RUNX1: variants seen among roughly 807,000 people sequenced by gnomAD.
RUNX1 encodes the protein runt-related transcription factor 1.
RUNX1 carries 19 observed loss-of-function variants against 42.8 expected under a neutral mutation model. The ratio of observed to expected loss-of-function variants is 0.44; its 90% CI spans 0.31 to 0.65. The LOEUF (loss-of-function observed/expected upper bound fraction) is 0.65. Among genes scored for constraint, RUNX1 ranks in the 30% least tolerant of loss-of-function variants. The pLI is 0.07. For synonymous variants in RUNX1, 271 were observed against 289.4 expected (o/e 0.94, Z 0.64); for missense variants, 528 against 672.0 (o/e 0.79, Z 2.37).
At chr21:34,949,221 C>T (rs376871415) in intron 2 of RUNX1, among the ~76,000 whole-genome samples, 2 of 152,144 alleles carry the variant, frequency 1.3e-5, no homozygotes, top group East Asian at 3.9e-4. Context: ...AAATGACACA[C>T]CAAAGTCCTT....
chr21:34,807,337 C>T (rs939487375), intron 7 of RUNX1, among the ~76,000 whole-genome samples: 17 of 152,102 alleles, frequency 1.1e-4, no homozygotes, highest in Admixed American at 6.5e-4. Context: ...ACCCCTTGAG[C>T]GGTGGCACCC....
intron 2 of RUNX1, among the ~76,000 whole-genome samples, chr21:34,936,272 C>G (rs976840999): frequency 1.4e-5 from 2 of 147,280 alleles, no homozygotes; most frequent in Admixed American, 6.8e-5. Context: ...CAGCCCCCCT[C>G]TTTTTTAAAA....
At chr21:34,920,174 AT>A (rs201538366) in intron 2 of RUNX1, among the ~76,000 whole-genome samples, 1,597 of 152,152 alleles carry the variant, frequency 0.01, 34 homozygotes, top group African/African-American at 0.036. Flanking sequence ...AATCCCAATT[AT>A]TTTTTTCCCA....
At chr21:34,967,882 C>G (rs542442686) in intron 2 of RUNX1, among the ~76,000 whole-genome samples, 2 of 152,308 alleles carry the variant, frequency 1.3e-5, no homozygotes, top group African/African-American at 4.8e-5. Flanking sequence ...ATCTTTTCCA[C>G]GTCAGATTGA....
chr21:34,876,796 T>C (rs2057820316), intron 5 of RUNX1, among the ~76,000 whole-genome samples: 1 of 152,244 alleles, frequency 6.6e-6, no homozygotes, highest in African/African-American at 2.4e-5. Context: ...AGTTATTCTC[T>C]GACTGATTAA....
intron 6 of RUNX1, among the ~76,000 whole-genome samples, chr21:34,835,693 T>C (rs988312001): frequency 6.6e-6 from 1 of 152,198 alleles, no homozygotes; most frequent in African/African-American, 2.4e-5. Context: ...CTCAGCCTTA[T>C]GGTTCCAATA....
At chr21:34,809,536 G>C (rs1367923080) in intron 7 of RUNX1, among the ~76,000 whole-genome samples, 9 of 152,048 alleles carry the variant, frequency 5.9e-5, no homozygotes. Context: ...ACACTCCATT[G>C]AGGTGGCACC....
In RUNX1 at chr21:35,047,571, T is replaced by A. The variant is rs1434252524; in HGVS notation, c.58+1271A>T. ...CACACACACACACACACTCTCTCTC[T>A]CTCTCTCTCTCTCTCTCTCTCTCTC... On this transcript the variant is annotated intron_variant, in intron 2 of 8. Transcript: ENST00000675419. Among the ~76,000 whole-genome samples the A allele has an allele frequency of 3.3e-3, 480 of 144,416 alleles. 2 individuals are homozygous for A. The highest frequency in any genetic ancestry group is 0.012 in the African/African-American group (449 of 36,598). 94.7% of individuals were successfully genotyped at this position (144,416 alleles called of 152,430 possible).
At chr21:34,917,756 T>A (rs999317046) in intron 2 of RUNX1, among the ~76,000 whole-genome samples, 1 of 152,148 alleles carries the variant, frequency 6.6e-6, no homozygotes. Context: ...TCAATCATCA[T>A]CACTGGAAGT....
chr21:34,938,944 C>T (rs550586579), intron 2 of RUNX1, among the ~76,000 whole-genome samples: 5 of 152,274 alleles, frequency 3.3e-5, no homozygotes, highest in African/African-American at 1.2e-4. Flanking sequence ...TATTCTTCCA[C>T]TGGCAAAACT....
Position 34,901,249 on chromosome 21 carries a change from C to T in RUNX1, c.59-8286G>A, listed in dbSNP as rs898644686. On this transcript the variant is annotated intron_variant, in intron 2 of 8. Coordinates refer to ENST00000675419, the MANE Select transcript of RUNX1 (RefSeq NM_001754.5). The surrounding 1 kb of genome is among the most constrained non-coding windows in gnomAD (Gnocchi z 4.3). ...GTTTCTGGCTGGTCACGGTGGGTCA[C>T]GCCTGTAATCCCAGCACTTTGGGAG... is the stretch of plus-strand genomic sequence containing the variant. Among the ~76,000 whole-genome samples, 43 of 151,986 alleles carry T rather than the reference C, an allele frequency of 2.8e-4. 1 individual carries two copies. The highest frequency in any genetic ancestry group is 6.6e-5 in the Admixed American group (1 of 15,262).
chr21:35,046,732 G>A (rs2147032260), intron 2 of RUNX1, among the ~76,000 whole-genome samples: 1 of 152,226 alleles, frequency 6.6e-6, no homozygotes, highest in Middle Eastern at 3.4e-3. Context: ...AATTAACCAG[G>A]AAATTGCCAA....
intron 2 of RUNX1, among the ~76,000 whole-genome samples, chr21:34,960,549 T>C (rs2058674888): frequency 6.6e-6 from 1 of 152,234 alleles, no homozygotes; most frequent in African/African-American, 2.4e-5. Flanking sequence ...GTGTTATAAA[T>C]GTAAACCAGT....
At chr21:34,864,278 T>A (rs2057623769) in intron 5 of RUNX1, among the ~76,000 whole-genome samples, 1 of 152,198 alleles carries the variant, frequency 6.6e-6, no homozygotes, top group Non-Finnish European at 1.5e-5. Context: ...CCTGGTATTT[T>A]AAGTACATGG....
chr21:34,820,999 A>G (rs1247295196), intron 7 of RUNX1, among the ~76,000 whole-genome samples: 2 of 152,232 alleles, frequency 1.3e-5, no homozygotes, highest in African/African-American at 4.8e-5. Context: ...GGCTTTGAGC[A>G]AAGAAGTTTA....
chr21:34,926,479 A>G, intron 2 of RUNX1, among the ~76,000 whole-genome samples: 1 of 142,174 alleles, frequency 7.0e-6, no homozygotes, highest in African/African-American at 2.5e-5. Flanking sequence ...AAAAAAAAAA[A>G]AAAAAAGACA....
intron 7 of RUNX1, among the ~76,000 whole-genome samples, chr21:34,804,602 T>C (rs1412624060): frequency 6.6e-6 from 1 of 152,008 alleles, no homozygotes; most frequent in Non-Finnish European, 1.5e-5. Flanking sequence ...AAAGCAAGCA[T>C]CAGAACCAGA....
chr21:35,018,182 T>C (rs147572850), intron 2 of RUNX1, among the ~76,000 whole-genome samples: 171 of 152,264 alleles, frequency 1.1e-3, no homozygotes, highest in African/African-American at 3.9e-3. Flanking sequence ...CATGCCACCA[T>C]GTCCAGATAA....
intron 2 of RUNX1, among the ~76,000 whole-genome samples, chr21:34,943,232 G>T (rs2058540669): frequency 1.3e-5 from 2 of 152,154 alleles, no homozygotes; most frequent in African/African-American, 4.8e-5. Flanking sequence ...TTTTCACCCT[G>T]TGTGGAAAAA....
Sources: gnomAD v4.1 joint callset for allele counts (sites outside exome capture counted in the v4.1 genomes callset) on GRCh38, gnomAD v4.1.1 for gene constraint, Gnocchi (gnomAD v3.1) non-coding constraint, MANE v1.5 for transcripts, NCBI Gene and HGNC (gene_info 2026-07-23, HGNC 2026-07-21) for gene names.